DSCAML1: variants seen among roughly 807,000 people sequenced by gnomAD.
DSCAML1 encodes the protein cell adhesion molecule DSCAML1.
DSCAML1 carries 38 observed loss-of-function variants against 200.5 expected under a neutral mutation model. That is an observed-to-expected ratio of 0.19 (90% CI 0.15 to 0.25). The LOEUF (loss-of-function observed/expected upper bound fraction) is 0.25. Among genes scored for constraint, DSCAML1 ranks in the 10% least tolerant of loss-of-function variants. The pLI, the probability that DSCAML1 is intolerant of heterozygous loss-of-function variation, is 1.00. For synonymous variants in DSCAML1, 1,215 were observed against 1,165.0 expected, an observed-to-expected ratio of 1.04 and a Z score of -0.87; for missense variants, 2,223 against 2,858.8, an observed-to-expected ratio of 0.78 and a Z score of 5.07.
intron 1 of DSCAML1, among the ~76,000 whole-genome samples, chr11:117,803,205 A>T (rs1290627912): frequency 6.6e-6 from 1 of 152,116 alleles, no homozygotes; most frequent in East Asian, 1.9e-4. Context: ...TTGTGACATG[A>T]AGTTGCAGAA....
intron 3 of DSCAML1, among the ~76,000 whole-genome samples, chr11:117,660,868 A>G (rs2052834111): frequency 6.6e-6 from 1 of 152,204 alleles, no homozygotes; most frequent in Admixed American, 6.5e-5. Flanking sequence ...AATTTGAGAA[A>G]GATCCTCTGC....
chr11:117,443,995 C>G lies in DSCAML1; in HGVS notation c.3753G>C (p.Arg1251=), dbSNP rs1183780033. The G allele has an allele frequency of 6.2e-7, 1 of 1,613,794 alleles. No individual in the cohort carries two copies. Among genetic ancestry groups the G allele is most frequent in the Non-Finnish European group, 8.5e-7 (1 of 1,179,982 alleles). Residue 1251 remains arginine (R), a synonymous_variant, in exon 21 of 33, where the codon CGG becomes CGC. Transcript: ENST00000651296. ...GCTGACCGCGGTTTAGGTGGGCGAT[C>G]CGGTAGAAGAGCTGCTCTGGACTCG... The part of the protein sequence containing the change: ...YETSPEQLFY[R]IAHLNRGQQY...
chr11:117,733,841 A>G (rs1280740254), intron 3 of DSCAML1, among the ~76,000 whole-genome samples: 1 of 151,586 alleles, frequency 6.6e-6, no homozygotes, highest in African/African-American at 2.4e-5. Context: ...CTCAAATCTC[A>G]GGGACCAATT....
chr11:117,453,649 G>C (rs11216401), intron 19 of DSCAML1, among the ~76,000 whole-genome samples: 1 of 151,764 alleles, frequency 6.6e-6, no homozygotes, highest in Non-Finnish European at 1.5e-5. Flanking sequence ...GAGGTAATCC[G>C]TCTTTTCTCC....
rs575317110 is a variant in DSCAML1 at position 117,635,463 on chromosome 11, T to C, written c.512-102941A>G. 2.0e-4 allele frequency among the ~76,000 whole-genome samples: 30 copies of C among 151,892 alleles called. No individual in the cohort carries two copies. The South Asian group carries it at 4.2e-3, about 21-fold the overall frequency. ...AGTGTGTGTGGTGTGTGTGTGTGTG[T>C]GTGTGTGTGTGCGTGTGTGTTTAAT... is the stretch of plus-strand genomic sequence containing the variant. On this transcript the variant is annotated intron_variant, in intron 3 of 32. Coordinates refer to ENST00000651296, the MANE Select transcript of DSCAML1 (RefSeq NM_020693.4).
chr11:117,574,304 C>T (rs2050896446), intron 3 of DSCAML1, among the ~76,000 whole-genome samples: 1 of 152,176 alleles, frequency 6.6e-6, no homozygotes, highest in Non-Finnish European at 1.5e-5. Context: ...GGGTGTCTTC[C>T]CTGCTCTTGA....
At position 117,755,822 on chromosome 11, in the gene DSCAML1, C is replaced by T. The variant is rs574112922; in HGVS notation, c.511+20969G>A. 8.5e-5 allele frequency among the ~76,000 whole-genome samples: 13 copies of T among 152,170 alleles called. No homozygotes were observed. In the South Asian group the frequency reaches 2.5e-3, roughly 29 times the overall value. On this transcript the variant is annotated intron_variant, in intron 3 of 32. Coordinates refer to ENST00000651296, the MANE Select transcript of DSCAML1 (RefSeq NM_020693.4). ...TGGCTGTGGACTGAGGAAGGTGTGT[C>T]CCACCCTGTCATTGAGATGAGACAT...
chr11:117,440,079 G>A, intron 21 of DSCAML1, 143 bp from the exon 22 acceptor site: 7 of 665,534 alleles, frequency 1.1e-5, no homozygotes, highest in South Asian at 3.6e-5. Context: ...TGAGGGGTAG[G>A]TGTCAGGGAA....
rs1295233148 is a variant in DSCAML1, at chr11:117,505,430, T to C, written c.2062+24A>G. Reference sequence around the variant, plus strand: ...AGGCAGAATGGGCTCCTCCCTCCCCTGAGGCTGGCCTGTCCCTGCTCACCA... The same window carrying C: ...AGGCAGAATGGGCTCCTCCCTCCCCCGAGGCTGGCCTGTCCCTGCTCACCA... On this transcript the variant is annotated intron_variant, in intron 9 of 32. Transcript: ENST00000651296. This position sits in a 1 kb window ranked among gnomAD's most constrained non-coding sequence, Gnocchi z 6.7. 1 of 1,599,504 alleles carries C rather than the reference T, an allele frequency of 6.3e-7. No individual in the cohort carries two copies. Among genetic ancestry groups the C allele is most frequent in the Non-Finnish European group, 8.5e-7 (1 of 1,175,130 alleles).
intron 3 of DSCAML1, among the ~76,000 whole-genome samples, chr11:117,595,088 A>ACC (rs2051337679): frequency 6.6e-6 from 1 of 151,070 alleles, no homozygotes; most frequent in Non-Finnish European, 1.5e-5. Flanking sequence ...ACACACACAC[A>ACC]CCCTTTGATA....
intron 3 of DSCAML1, among the ~76,000 whole-genome samples, chr11:117,546,728 G>A (rs933567961): frequency 1.3e-5 from 2 of 152,016 alleles, no homozygotes; most frequent in African/African-American, 4.8e-5. Flanking sequence ...TGGGGGAGGG[G>A]GTGCAGAGGC....
At chr11:117,522,791 C>T (rs1006043186) in intron 5 of DSCAML1, among the ~76,000 whole-genome samples, 4 of 152,070 alleles carry the variant, frequency 2.6e-5, no homozygotes, top group Non-Finnish European at 5.9e-5. Flanking sequence ...TGGGGGGCTT[C>T]GTGGAGGAGT....
intron 3 of DSCAML1, among the ~76,000 whole-genome samples, chr11:117,584,101 C>T (rs1451622526): frequency 3.9e-5 from 6 of 152,026 alleles, no homozygotes; most frequent in African/African-American, 9.7e-5. Context: ...AAGGGATCCT[C>T]GGGGAACTAA....
chr11:117,638,648 G>A (rs1442697917), intron 3 of DSCAML1, among the ~76,000 whole-genome samples: 1 of 152,046 alleles, frequency 6.6e-6, no homozygotes, highest in Non-Finnish European at 1.5e-5. Context: ...TTTTTTGACT[G>A]GCTTCCTTCA....
At chr11:117,641,797 C>T (rs1248330965) in intron 3 of DSCAML1, among the ~76,000 whole-genome samples, 2 of 152,146 alleles carry the variant, frequency 1.3e-5, no homozygotes, top group African/African-American at 2.4e-5. Flanking sequence ...GGGCTTGCCT[C>T]CCTCATGGAA....
chr11:117,760,973 C>T (rs904377929), intron 3 of DSCAML1, among the ~76,000 whole-genome samples: 6 of 152,194 alleles, frequency 3.9e-5, no homozygotes, highest in African/African-American at 1.4e-4. Flanking sequence ...CTATCCCTAC[C>T]ACACTCTAGG....
intron 3 of DSCAML1, among the ~76,000 whole-genome samples, chr11:117,708,751 C>T (rs2053794599): frequency 6.6e-6 from 1 of 152,218 alleles, no homozygotes; most frequent in Admixed American, 6.5e-5. Context: ...TGGTACATTA[C>T]ACACAAGTGA....
At chr11:117,802,457 G>A (rs1414001878) in intron 1 of DSCAML1, among the ~76,000 whole-genome samples, 1 of 152,182 alleles carries the variant, frequency 6.6e-6, no homozygotes, top group African/African-American at 2.4e-5. Context: ...GGCTCTAGGG[G>A]TACACTCAGT....
rs901134985 is a variant in DSCAML1 at position 117,472,147 on chromosome 11, C to T, written c.2786-111G>A. ...TAAGTTGGATGCCCGAGGGGTCCAG[C>T]TCACACAGACTGCAGAGAGGGCACA... On this transcript the variant is annotated intron_variant, in intron 14 of 32. Transcript: ENST00000651296. The T allele has an allele frequency of 8.4e-6, 10 of 1,190,120 alleles. No homozygotes were observed. The African/African-American group carries it at 1.2e-4, about 14-fold the overall frequency. 73.7% of individuals were successfully genotyped at this position (1,190,120 alleles called of 1,614,324 possible).
Sources: allele counts gnomAD v4.1 joint callset (sites outside exome capture counted in the v4.1 genomes callset), GRCh38; gene constraint gnomAD v4.1.1; non-coding constraint Gnocchi (gnomAD v3.1); transcripts MANE v1.5; gene names NCBI Gene and HGNC (gene_info 2026-07-23, HGNC 2026-07-21).